Variants in FSTL4 observed in about 807,000 individuals in gnomAD.
The protein encoded by FSTL4 is follistatin like 4, also known as follistatin-related protein 4.
In FSTL4, 28 loss-of-function variants were observed where a neutral mutation model predicts 78.2. The observed-to-expected ratio is 0.36, with a 90% CI of 0.27 to 0.49. The LOEUF is 0.49. Ranked by LOEUF, FSTL4 falls within the 20% of genes least tolerant of loss-of-function variation. The pLI, the probability that FSTL4 is intolerant of heterozygous loss-of-function variation, is 0.98. For synonymous variants in FSTL4, 422 were observed against 440.5 expected (o/e 0.96, Z 0.53); for missense variants, 922 against 1,084.9 (o/e 0.85, Z 2.11).
At chr5:133,738,077 T>C in the FSTL4 span, among the ~76,000 whole-genome samples, 1 of 152,094 alleles carries the variant, frequency 6.6e-6, no homozygotes, top group African/African-American at 2.4e-5. Context: ...TTCAATTAAG[T>C]AGAAACATTC....
At chr5:133,812,803 T>C in the FSTL4 span, among the ~76,000 whole-genome samples, 2 of 152,360 alleles carry the variant, frequency 1.3e-5, no homozygotes, top group African/African-American at 4.8e-5. Flanking sequence ...CGTCCACCAC[T>C]GCATCCCAGT....
chr5:133,658,886 G>A, the FSTL4 span, among the ~76,000 whole-genome samples: 2 of 152,056 alleles, frequency 1.3e-5, no homozygotes, highest in Non-Finnish European at 2.9e-5. Context: ...TTATTGTATA[G>A]CCCAATGCTA....
the FSTL4 span, among the ~76,000 whole-genome samples, chr5:133,740,216 C>A: frequency 1.3e-5 from 2 of 152,152 alleles, no homozygotes; most frequent in East Asian, 3.9e-4. Flanking sequence ...TAAGTGATAC[C>A]CCCTTAGACA....
At chr5:133,636,910 T>C in the FSTL4 span, among the ~76,000 whole-genome samples, 2 of 152,160 alleles carry the variant, frequency 1.3e-5, no homozygotes, top group African/African-American at 4.8e-5. Context: ...ATCCATACTA[T>C]ACAGATGAGG....
chr5:133,199,177 A>G lies in FSTL4; in HGVS notation c.2447T>C (p.Ile816Thr). The change falls in exon 16 of 16, where the codon ATC becomes ACC. Residue 816 changes from isoleucine (I) to threonine (T), a missense_variant. Transcript: ENST00000265342. The surrounding 1 kb of genome is among the most constrained non-coding windows in gnomAD (Gnocchi z 4.4). ...CCGCAGCGTGTTTTGTCTCCCATTG[A>G]TGAGGAACAGTGACTCTCGGGCTGG... ...LTPARESLFL[I>T]NGRQNTLRCE... 3.7e-6 allele frequency: 6 copies of G among 1,610,072 alleles called. No homozygotes were observed. The highest frequency in any genetic ancestry group is 5.1e-6 in the Non-Finnish European group (6 of 1,177,056).
rs1359146594 is a variant in FSTL4 at position 133,225,439 on chromosome 5, T to A, written c.1178-155A>T. 6.6e-6 allele frequency among the ~76,000 whole-genome samples: 1 copy of A among 152,152 alleles called. No individual in the cohort carries two copies. Among genetic ancestry groups the A allele is most frequent in the Non-Finnish European group, 1.5e-5 (1 of 68,038 alleles). Reference sequence around the variant, plus strand: ...AAGGGCTGGCACATCTGAAATGCACTGAGGGTGAGCTGGACCTGAGTGACA... The same window carrying A: ...AAGGGCTGGCACATCTGAAATGCACAGAGGGTGAGCTGGACCTGAGTGACA... On this transcript the variant is annotated intron_variant, in intron 9 of 15. Coordinates refer to ENST00000265342, the MANE Select transcript of FSTL4 (RefSeq NM_015082.2). This position sits in a 1 kb window ranked among gnomAD's most constrained non-coding sequence, Gnocchi z 4.6.
At chr5:133,812,420 G>C in the FSTL4 span, among the ~76,000 whole-genome samples, 386 of 152,290 alleles carry the variant, frequency 2.5e-3, 1 homozygote, top group African/African-American at 8.8e-3. Context: ...TCCATCCCCA[G>C]TTCCTATCAC....
intron 15 of FSTL4, among the ~76,000 whole-genome samples, chr5:133,200,310 C>A (rs1431089158): frequency 2.0e-5 from 3 of 152,246 alleles, no homozygotes; most frequent in African/African-American, 7.2e-5. Context: ...TGCAGATGTC[C>A]TGTTAGTACC....
At chr5:133,642,378 C>A in the FSTL4 span, among the ~76,000 whole-genome samples, 1 of 152,276 alleles carries the variant, frequency 6.6e-6, no homozygotes, top group East Asian at 1.9e-4. Flanking sequence ...GTGGGTTTGG[C>A]CACTGTTCCT....
chr5:133,545,945 G>T (rs879135005), intron 3 of FSTL4, among the ~76,000 whole-genome samples: 1 of 152,244 alleles, frequency 6.6e-6, no homozygotes, highest in Admixed American at 6.5e-5. Context: ...TTGGAAACTG[G>T]AGTAAAGACT....
upstream of FSTL4, among the ~76,000 whole-genome samples, chr5:133,615,737 A>G (rs1761188299): frequency 6.6e-6 from 1 of 152,230 alleles, no homozygotes; most frequent in African/African-American, 2.4e-5. Flanking sequence ...TCCTAGACTT[A>G]AGATTACACA....
the FSTL4 span, among the ~76,000 whole-genome samples, chr5:133,618,712 T>G: frequency 6.6e-6 from 1 of 152,232 alleles, no homozygotes; most frequent in African/African-American, 2.4e-5. Flanking sequence ...CCAGTTTATC[T>G]AAGGCAATTT....
At chr5:133,802,703 T>G in the FSTL4 span, among the ~76,000 whole-genome samples, 2 of 152,256 alleles carry the variant, frequency 1.3e-5, no homozygotes, top group Non-Finnish European at 2.9e-5. Context: ...AATAGATTGC[T>G]GTACCTGCAA....
At chr5:133,377,880 T>C (rs541775109) in intron 4 of FSTL4, among the ~76,000 whole-genome samples, 3 of 151,758 alleles carry the variant, frequency 2.0e-5, no homozygotes, top group African/African-American at 7.3e-5. Flanking sequence ...AAGAGAAAAA[T>C]TTGAAAGCAG....
chr5:133,681,128 G>A, the FSTL4 span, among the ~76,000 whole-genome samples: 13 of 152,240 alleles, frequency 8.5e-5, no homozygotes, highest in South Asian at 4.1e-4. Context: ...TCCTGGAGGC[G>A]GACAGGCAGG....
At chr5:133,739,870 G>A in the FSTL4 span, among the ~76,000 whole-genome samples, 1 of 151,418 alleles carries the variant, frequency 6.6e-6, no homozygotes, top group Non-Finnish European at 1.5e-5. Context: ...GGAGAACTGA[G>A]ATCATAATGA....
chr5:133,576,717 C>A (rs1201239222), intron 2 of FSTL4, among the ~76,000 whole-genome samples: 3 of 152,180 alleles, frequency 2.0e-5, no homozygotes, highest in Admixed American at 1.3e-4. Flanking sequence ...TGAAGACACA[C>A]AAAAGGAAGC....
At chr5:133,609,274 C>A (rs1328880989) in intron 1 of FSTL4, among the ~76,000 whole-genome samples, 1 of 152,180 alleles carries the variant, frequency 6.6e-6, no homozygotes, top group Non-Finnish European at 1.5e-5. Context: ...AAAGTGTCTG[C>A]CCTACACACA....
chr5:133,333,536 G>T (rs113655944), intron 4 of FSTL4, among the ~76,000 whole-genome samples: 3,288 of 152,276 alleles, frequency 0.022, 44 homozygotes, highest in Non-Finnish European at 0.035. Flanking sequence ...TAACACACTG[G>T]CACATCCTGC....
Sources: allele counts gnomAD v4.1 joint callset (sites outside exome capture counted in the v4.1 genomes callset), GRCh38; gene constraint gnomAD v4.1.1; non-coding constraint Gnocchi (gnomAD v3.1); transcripts MANE v1.5; gene names NCBI Gene and HGNC (gene_info 2026-07-23, HGNC 2026-07-21).